SBF2: variants seen among roughly 807,000 people sequenced by gnomAD.
SBF2 encodes myotubularin-related protein 13.
In SBF2, 112 loss-of-function variants were observed where a neutral mutation model predicts 225.2. That is an observed-to-expected ratio of 0.50 (90% CI 0.43 to 0.58). SBF2 has a LOEUF of 0.58. Among genes scored for constraint, SBF2 ranks in the 20% least tolerant of loss-of-function variants. The probability of loss-of-function intolerance (pLI) is 0.00; values close to 1 mark genes in which losing one functional copy is unlikely to be tolerated. For missense variants in SBF2, 1,996 were observed against 2,206.2 expected (o/e 0.90, Z 1.91); for synonymous variants, 763 against 773.3 (o/e 0.99, Z 0.22).
At chr11:10,294,254 C>A (rs548589869), upstream of SBF2, 46 of 409,034 alleles carry the variant, frequency 1.1e-4, no homozygotes, top group South Asian at 4.0e-3. Context: ...GCTCCTCCCC[C>A]GCCCCCACCC....
chr11:9,818,685 C>T (rs533804390), intron 28 of SBF2, among the ~76,000 whole-genome samples: 1 of 152,284 alleles, frequency 6.6e-6, no homozygotes, highest in African/African-American at 2.4e-5. Context: ...GAGACCAGTT[C>T]CCAAGAAAAG....
At chr11:10,140,978 T>C (rs184751556) in intron 2 of SBF2, among the ~76,000 whole-genome samples, 161 of 152,258 alleles carry the variant, frequency 1.1e-3, no homozygotes, top group African/African-American at 3.6e-3. Context: ...CAAATCATGA[T>C]TGGAGGTAAA....
At chr11:9,789,913 C>A (rs1852631702) in intron 34 of SBF2, among the ~76,000 whole-genome samples, 1 of 152,204 alleles carries the variant, frequency 6.6e-6, no homozygotes, top group Non-Finnish European at 1.5e-5. Context: ...GAAGGAGGGG[C>A]ATCTAAGCAT....
At chr11:9,871,102 T>C (rs995000096) in intron 17 of SBF2, among the ~76,000 whole-genome samples, 3 of 151,832 alleles carry the variant, frequency 2.0e-5, no homozygotes, top group African/African-American at 7.3e-5. Flanking sequence ...GATTTCATAA[T>C]GAAAGCACCA....
intron 16 of SBF2, among the ~76,000 whole-genome samples, chr11:9,898,792 A>G (rs937941743): frequency 2.0e-5 from 3 of 152,266 alleles, no homozygotes; most frequent in African/African-American, 7.2e-5. Flanking sequence ...TATTATGCTA[A>G]AAATAATATT....
intron 1 of SBF2, among the ~76,000 whole-genome samples, chr11:10,216,720 A>C (rs1449455460): frequency 6.6e-6 from 1 of 151,842 alleles, no homozygotes; most frequent in African/African-American, 2.4e-5. Context: ...AAATACAAAA[A>C]CTAGCCGGGT....
At chr11:10,170,418 T>G (rs1389647197) in intron 2 of SBF2, among the ~76,000 whole-genome samples, 1 of 152,124 alleles carries the variant, frequency 6.6e-6, no homozygotes, top group East Asian at 1.9e-4. Flanking sequence ...GGCACCTTTT[T>G]CAGAAATGAG....
At chr11:10,245,131 C>T (rs2135470939) in intron 1 of SBF2, among the ~76,000 whole-genome samples, 1 of 82,720 alleles carries the variant, frequency 1.2e-5, no homozygotes, top group African/African-American at 4.1e-5. Context: ...GAGACCCTGT[C>T]TCAAAAAAAA....
chr11:9,830,628 T>C (rs1187969667), intron 27 of SBF2, among the ~76,000 whole-genome samples: 3 of 151,156 alleles, frequency 2.0e-5, no homozygotes, highest in African/African-American at 7.3e-5. Flanking sequence ...TAATCCCAGC[T>C]ACTCGGGAGG....
chr11:9,983,243 A>G (rs1211955520), intron 13 of SBF2, among the ~76,000 whole-genome samples: 2 of 152,146 alleles, frequency 1.3e-5, no homozygotes, highest in African/African-American at 4.8e-5. Context: ...ACTGGGGGGC[A>G]CAGCGGGAGA....
At chr11:9,898,909 A>T (rs865997525) in intron 16 of SBF2, among the ~76,000 whole-genome samples, 1 of 152,320 alleles carries the variant, frequency 6.6e-6, no homozygotes, top group African/African-American at 2.4e-5. Context: ...CTAAGGACAG[A>T]AACTTGGGAA....
At chr11:10,148,654 A>G (rs1324133735) in intron 2 of SBF2, among the ~76,000 whole-genome samples, 1 of 152,088 alleles carries the variant, frequency 6.6e-6, no homozygotes, top group African/African-American at 2.4e-5. Context: ...TGTCCCCACA[A>G]CATACGCCTT....
intron 6 of SBF2, among the ~76,000 whole-genome samples, chr11:10,028,219 A>G (rs1949119208): frequency 6.6e-6 from 1 of 152,036 alleles, no homozygotes; most frequent in Non-Finnish European, 1.5e-5. Flanking sequence ...CGTCCCATCC[A>G]CTTTCTAAAA....
At chr11:10,300,290 A>G (rs1964582749) in intron 1 of SBF2, among the ~76,000 whole-genome samples, 2 of 152,210 alleles carry the variant, frequency 1.3e-5, no homozygotes, top group South Asian at 4.1e-4. Context: ...AACTTAGCAC[A>G]GTGCTGGGTA....
intron 1 of SBF2, among the ~76,000 whole-genome samples, chr11:10,205,176 T>C (rs1957710760): frequency 6.6e-6 from 1 of 151,908 alleles, no homozygotes; most frequent in Non-Finnish European, 1.5e-5. Context: ...TAAAATAAAA[T>C]TGAGTTTAAA....
chr11:9,832,191 CG>C, intron 27 of SBF2, 32 bp downstream of exon 27: 2 of 1,548,870 alleles, frequency 1.3e-6, no homozygotes, highest in Non-Finnish European at 1.8e-6. Flanking sequence ...CTTATGTGAA[CG>C]GGTGGTAATT....
At chr11:10,250,619 C>A (rs1017831121) in intron 1 of SBF2, among the ~76,000 whole-genome samples, 1 of 152,162 alleles carries the variant, frequency 6.6e-6, no homozygotes, top group African/African-American at 2.4e-5. Context: ...ATTCAATTGT[C>A]ATTTTCAATG....
Position 9,832,217 on chromosome 11 carries a change from T to C in SBF2, c.3652+7A>G. On this transcript the variant is annotated splice_region_variant and intron_variant, in intron 27 of 39. Transcript: ENST00000256190. ...GGGTGGTAATTGTGTTATAGAGAGA[T>C]GCTTACCGGCCTGAGGGGAGTTCTG... 2 of 1,612,192 alleles carry C rather than the reference T, an allele frequency of 1.2e-6. No homozygotes were observed. The highest frequency in any genetic ancestry group is 1.7e-6 in the Non-Finnish European group (2 of 1,178,232).
intron 23 of SBF2, among the ~76,000 whole-genome samples, chr11:9,846,138 C>A (rs1300120665): frequency 6.6e-6 from 1 of 152,186 alleles, no homozygotes; most frequent in Non-Finnish European, 1.5e-5. Flanking sequence ...GAATCCTAAT[C>A]AGTACAGCTA....
Sources: allele counts gnomAD v4.1 joint callset (sites outside exome capture counted in the v4.1 genomes callset), GRCh38; gene constraint gnomAD v4.1.1; transcripts MANE v1.5; gene names NCBI Gene and HGNC (gene_info 2026-07-23, HGNC 2026-07-21).